The following ABL2 variants were observed in gnomAD, a reference collection of about 807,000 sequenced individuals.
ABL2 encodes tyrosine-protein kinase ABL2.
Under a neutral mutation model 107.7 loss-of-function variants are expected in ABL2, and 49 were observed. That is an observed-to-expected ratio of 0.45 (90% CI 0.36 to 0.58). ABL2 has a LOEUF of 0.58. Ranked by LOEUF, ABL2 falls within the 20% of genes least tolerant of loss-of-function variation. The probability of loss-of-function intolerance (pLI) is 0.00; values close to 1 mark genes in which losing one functional copy is unlikely to be tolerated. For missense variants in ABL2, 1,245 were observed against 1,457.0 expected (o/e 0.85, Z 2.37); for synonymous variants, 549 against 548.6 (o/e 1.00, Z -0.01).
intron 1 of ABL2, among the ~76,000 whole-genome samples, chr1:179,212,305 C>T (rs1662319662): frequency 6.6e-6 from 1 of 152,180 alleles, no homozygotes; most frequent in African/African-American, 2.4e-5. Flanking sequence ...ATCCTACTTG[C>T]TGAATATATC....
At position 179,101,527 on chromosome 1, in the gene ABL2, C is replaced by T. The variant is rs1290828099; in HGVS notation, c.*6191G>A. The T allele has an allele frequency of 2.9e-5, 5 of 174,478 alleles. No individual in the cohort carries two copies. The highest frequency in any genetic ancestry group is 4.8e-5 in the African/African-American group (2 of 42,086). 10.8% of individuals were successfully genotyped at this position (174,478 alleles called of 1,614,324 possible). On this transcript the variant is annotated 3_prime_UTR_variant, in exon 12 of 12. Transcript: ENST00000502732. ...TAGCTGGGATTACAGGCATGTACTA[C>T]GCCCGGCTAATTTTTATATTTTTAG...
At chr1:179,191,384 G>C (rs1279066462) in intron 1 of ABL2, among the ~76,000 whole-genome samples, 1 of 147,150 alleles carries the variant, frequency 6.8e-6, no homozygotes, top group Non-Finnish European at 1.5e-5. Flanking sequence ...ATGATAGTAT[G>C]AGAACCTTAA....
chr1:179,107,555 T>C lies in ABL2; in HGVS notation c.*163A>G. 3 of 1,381,954 alleles carry C rather than the reference T, an allele frequency of 2.2e-6. No homozygotes were observed. Among genetic ancestry groups the C allele is most frequent in the Non-Finnish European group, 2.9e-6 (3 of 1,049,458 alleles). 85.6% of individuals were successfully genotyped at this position (1,381,954 alleles called of 1,614,324 possible). A position where few individuals can be genotyped will look rare whatever the true frequency, so the allele number is the denominator to read the frequency against. On this transcript the variant is annotated 3_prime_UTR_variant, in exon 12 of 12. Coordinates refer to ENST00000502732, the MANE Select transcript of ABL2 (RefSeq NM_007314.4). The stretch of plus-strand genomic sequence containing the variant: ...TACTTATGTGGTTTGCTTCTTATTT[T>C]TGAGATGAAACTGTAAACGTGAGAA...
rs186663301 is a variant in ABL2 at position 179,139,877 on chromosome 1, T to C, written c.158-6503A>G. 6.1e-3 allele frequency among the ~76,000 whole-genome samples: 925 copies of C among 152,324 alleles called. 34 individuals carry two copies. The highest frequency in any genetic ancestry group is 0.056 in the Admixed American group (859 of 15,302). On this transcript the variant is annotated intron_variant, in intron 1 of 11. Coordinates refer to ENST00000502732, the MANE Select transcript of ABL2 (RefSeq NM_007314.4). ...TATGATAATCTAATGCCTGATGATC[T>C]GAGGTGGAACAGTTTCATGTGAAAC... is the stretch of plus-strand genomic sequence containing the variant.
chr1:179,191,928 G>A (rs1342395951), intron 1 of ABL2, among the ~76,000 whole-genome samples: 1 of 152,116 alleles, frequency 6.6e-6, no homozygotes, highest in African/African-American at 2.4e-5. Flanking sequence ...AAAAATTAAG[G>A]TTGGACCTAA....
At chr1:179,109,796 C>T (rs777803000) in intron 11 of ABL2, among the ~76,000 whole-genome samples, 9 of 152,070 alleles carry the variant, frequency 5.9e-5, no homozygotes, top group Admixed American at 2.0e-4. Flanking sequence ...GGCATGGTGG[C>T]GGGCGCCTGT....
intron 1 of ABL2, among the ~76,000 whole-genome samples, chr1:179,215,300 G>A (rs200435635): frequency 6.6e-5 from 10 of 152,108 alleles, no homozygotes; most frequent in South Asian, 4.1e-4. Flanking sequence ...AACACCTATC[G>A]AACCACAAAC....
At chr1:179,137,011 T>A (rs1657095589) in intron 1 of ABL2, among the ~76,000 whole-genome samples, 1 of 151,986 alleles carries the variant, frequency 6.6e-6, no homozygotes, top group Non-Finnish European at 1.5e-5. Flanking sequence ...TTTCAGAGTT[T>A]CATATTCCCT....
chr1:179,184,104 G>C (rs1049358455), intron 1 of ABL2: 7 of 286,012 alleles, frequency 2.4e-5, no homozygotes, highest in Non-Finnish European at 6.7e-6. Context: ...GATCGCCAAA[G>C]TTCCAAGTTT....
At chr1:179,112,451 A>T in intron 9 of ABL2, 53 bp from the exon 10 acceptor site, 2 of 1,419,694 alleles carry the variant, frequency 1.4e-6, no homozygotes, top group Admixed American at 1.7e-5. Context: ...TTCAATATCC[A>T]GTGGTGTATC....
intron 1 of ABL2, among the ~76,000 whole-genome samples, chr1:179,152,969 AAG>A (rs1448223623): frequency 5.3e-5 from 8 of 152,240 alleles, no homozygotes; most frequent in African/African-American, 1.4e-4. Flanking sequence ...ATATCAAAGA[AAG>A]AGTTGCAAGA....
chr1:179,166,802 T>C (rs1306022170), intron 1 of ABL2, among the ~76,000 whole-genome samples: 5 of 133,482 alleles, frequency 3.7e-5, no homozygotes, highest in Non-Finnish European at 1.6e-5. Context: ...AAAGAAAAAA[T>C]GTTCTGTATC....
At chr1:179,155,992 T>C (rs932774723) in intron 1 of ABL2, among the ~76,000 whole-genome samples, 1 of 152,194 alleles carries the variant, frequency 6.6e-6, no homozygotes, top group African/African-American at 2.4e-5. Context: ...TGGGTATTCA[T>C]TAGGAAATAT....
intron 8 of ABL2, chr1:179,116,829 CTT>C (rs35259294): frequency 0.63 from 91,523 of 145,808 alleles, 28,383 homozygotes; most frequent in Middle Eastern, 0.72. Flanking sequence ...CTTCTTTATA[CTT>C]TTTTTTTTTT....
chr1:179,117,927 G>A (rs539122370), intron 7 of ABL2, among the ~76,000 whole-genome samples: 4 of 150,372 alleles, frequency 2.7e-5, no homozygotes, highest in South Asian at 2.1e-4. Flanking sequence ...AGGACCAGCC[G>A]GGGCAACATG....
intron 1 of ABL2, among the ~76,000 whole-genome samples, chr1:179,157,175 A>G (rs112257586): frequency 4.6e-5 from 7 of 152,214 alleles, no homozygotes; most frequent in African/African-American, 1.7e-4. Flanking sequence ...GAAAATGTTC[A>G]CTGGAGCATT....
At chr1:179,147,909 A>G (rs1338782930) in intron 1 of ABL2, among the ~76,000 whole-genome samples, 1 of 152,226 alleles carries the variant, frequency 6.6e-6, no homozygotes, top group African/African-American at 2.4e-5. Flanking sequence ...AGGTTAGTCA[A>G]TAATAGTATA....
At chr1:179,143,975 C>A (rs1657812740) in intron 1 of ABL2, among the ~76,000 whole-genome samples, 1 of 152,136 alleles carries the variant, frequency 6.6e-6, no homozygotes, top group Non-Finnish European at 1.5e-5. Context: ...GGATTACAGG[C>A]ATGAGCCACC....
At chr1:179,227,541 T>C (rs1339572484) in intron 1 of ABL2, among the ~76,000 whole-genome samples, 1 of 152,212 alleles carries the variant, frequency 6.6e-6, no homozygotes, top group East Asian at 1.9e-4. Flanking sequence ...CCGAATAAGA[T>C]AGTAAAGCAA....
Sources: allele counts gnomAD v4.1 joint callset (sites outside exome capture counted in the v4.1 genomes callset), GRCh38; gene constraint gnomAD v4.1.1; transcripts MANE v1.5; gene names NCBI Gene and HGNC (gene_info 2026-07-23, HGNC 2026-07-21).